Variants in UBE2R2 observed in about 807,000 individuals in gnomAD.
The protein encoded by UBE2R2 is ubiquitin conjugating enzyme E2 R2, also known as ubiquitin-conjugating enzyme E2 R2.
Under a neutral mutation model 27.8 loss-of-function variants are expected in UBE2R2, and 1 was observed. That is an observed-to-expected ratio of 0.04 (90% confidence interval 0.01 to 0.17). The LOEUF (loss-of-function observed/expected upper bound fraction) is 0.17. Ranked by LOEUF, UBE2R2 falls within the 10% of genes least tolerant of loss-of-function variation. The pLI, the probability that UBE2R2 is intolerant of heterozygous loss-of-function variation, is 1.00. For synonymous variants in UBE2R2, 106 were observed against 113.3 expected, an observed-to-expected ratio of 0.94 and a Z score of 0.41; for missense variants, 100 against 291.0, an observed-to-expected ratio of 0.34 and a Z score of 4.78.
chr9:33,878,216 C>T (rs979946094), intron 1 of UBE2R2, among the ~76,000 whole-genome samples: 22 of 152,150 alleles, frequency 1.4e-4, no homozygotes, highest in Middle Eastern at 3.2e-3. Flanking sequence ...TTGAGCAATA[C>T]GCAGCGGCTC....
At chr9:33,907,038 T>C (rs1031206942) in intron 3 of UBE2R2, among the ~76,000 whole-genome samples, 1 of 152,216 alleles carries the variant, frequency 6.6e-6, no homozygotes, top group Non-Finnish European at 1.5e-5. Context: ...TTGCTTTGTC[T>C]TTTAAACACA....
At chr9:33,827,789 G>T (rs1820348130) in intron 1 of UBE2R2, among the ~76,000 whole-genome samples, 1 of 151,778 alleles carries the variant, frequency 6.6e-6, no homozygotes, top group South Asian at 2.1e-4. Context: ...TGACCAACAT[G>T]GTGAAACCCC....
At chr9:33,869,895 G>A (rs1821448523) in intron 1 of UBE2R2, among the ~76,000 whole-genome samples, 1 of 152,058 alleles carries the variant, frequency 6.6e-6, no homozygotes, top group African/African-American at 2.4e-5. Flanking sequence ...TGCCCAGGCT[G>A]GAGTGCAATG....
chr9:33,889,441 T>G (rs1821932342), intron 2 of UBE2R2, among the ~76,000 whole-genome samples: 1 of 152,124 alleles, frequency 6.6e-6, no homozygotes. Context: ...CCTGGCCTCA[T>G]GATCTGCCCA....
intron 1 of UBE2R2, among the ~76,000 whole-genome samples, chr9:33,862,586 C>A (rs1821264278): frequency 6.6e-6 from 1 of 152,210 alleles, no homozygotes; most frequent in Non-Finnish European, 1.5e-5. Flanking sequence ...GTTGCTGACA[C>A]ACTTTGCTTA....
At chr9:33,874,057 C>G (rs944096307) in intron 1 of UBE2R2, among the ~76,000 whole-genome samples, 4 of 151,684 alleles carry the variant, frequency 2.6e-5, no homozygotes, top group African/African-American at 9.7e-5. Flanking sequence ...AAGCAATTCT[C>G]CTGTCTCAGC....
chr9:33,848,996 C>G (rs1329729394), intron 1 of UBE2R2, among the ~76,000 whole-genome samples: 1 of 151,834 alleles, frequency 6.6e-6, no homozygotes, highest in Non-Finnish European at 1.5e-5. Context: ...GTGGCTCACG[C>G]CTGTAATCCC....
intron 1 of UBE2R2, among the ~76,000 whole-genome samples, chr9:33,841,874 A>G (rs1003886505): frequency 1.3e-5 from 2 of 152,168 alleles, no homozygotes; most frequent in African/African-American, 4.8e-5. Flanking sequence ...GTGATTGCTG[A>G]GAATAGTTGC....
intron 1 of UBE2R2, among the ~76,000 whole-genome samples, chr9:33,880,701 T>C (rs1291295179): frequency 6.6e-6 from 1 of 152,206 alleles, no homozygotes; most frequent in African/African-American, 2.4e-5. Flanking sequence ...TACAACTCTG[T>C]GGCCTGTTAG....
At chr9:33,904,409 T>C (rs1822307777) in intron 3 of UBE2R2, among the ~76,000 whole-genome samples, 1 of 152,246 alleles carries the variant, frequency 6.6e-6, no homozygotes, top group African/African-American at 2.4e-5. Context: ...CATCTCATCC[T>C]GTTTTGGAGT....
chr9:33,907,291 T>C (rs557414084), intron 3 of UBE2R2, among the ~76,000 whole-genome samples: 2 of 152,306 alleles, frequency 1.3e-5, no homozygotes, highest in Non-Finnish European at 2.9e-5. Flanking sequence ...TTTTCTGTGT[T>C]TCCTTTCTCT....
rs369740894 is a variant in UBE2R2, at chr9:33,864,398, GTAA to G, written c.178-22474_178-22472del. On this transcript the variant is annotated intron_variant, in intron 1 of 4. Coordinates refer to ENST00000263228, the MANE Select transcript of UBE2R2 (RefSeq NM_017811.4). ...ATGAGTTATATATATGTAACACATG[GTAA>G]TAATAATAGAAACTCTGAGAGCCCA... 1.4e-4 allele frequency among the ~76,000 whole-genome samples: 21 copies of G among 152,116 alleles called. No individual in the cohort carries two copies. The East Asian group carries it at 3.7e-3, about 27-fold the overall frequency.
chr9:33,895,681 C>G (rs2130804587), intron 2 of UBE2R2, among the ~76,000 whole-genome samples: 1 of 150,258 alleles, frequency 6.7e-6, no homozygotes, highest in East Asian at 2.0e-4. Flanking sequence ...TTTTTAAGAT[C>G]TTTTAAAATT....
intron 1 of UBE2R2, among the ~76,000 whole-genome samples, chr9:33,884,459 T>C (rs1821812094): frequency 6.6e-6 from 1 of 151,688 alleles, no homozygotes; most frequent in African/African-American, 2.4e-5. Flanking sequence ...TTTAAATTTT[T>C]TGTAGAGTAG....
chr9:33,862,505 A>G (rs865840911), intron 1 of UBE2R2, among the ~76,000 whole-genome samples: 4 of 152,274 alleles, frequency 2.6e-5, no homozygotes, highest in Non-Finnish European at 2.9e-5. Context: ...CTTTGGCTGA[A>G]TTACATGCCG....
chr9:33,864,588 C>T (rs374178870), intron 1 of UBE2R2, among the ~76,000 whole-genome samples: 7 of 152,070 alleles, frequency 4.6e-5, no homozygotes, highest in Non-Finnish European at 7.4e-5. Flanking sequence ...CTTGCTTTGT[C>T]GCCCAGGGTG....
intron 1 of UBE2R2, among the ~76,000 whole-genome samples, chr9:33,823,216 A>G (rs534159222): frequency 6.6e-6 from 1 of 150,842 alleles, no homozygotes; most frequent in South Asian, 2.1e-4. Context: ...TATTATTATT[A>G]TTTTAGAGAC....
At chr9:33,836,970 T>C (rs1310787414) in intron 1 of UBE2R2, among the ~76,000 whole-genome samples, 1 of 152,132 alleles carries the variant, frequency 6.6e-6, no homozygotes, top group Non-Finnish European at 1.5e-5. Flanking sequence ...TTCTAAATCC[T>C]GTGCATGGTA....
chr9:33,883,390 A>G (rs773949824), intron 1 of UBE2R2, among the ~76,000 whole-genome samples: 5 of 152,252 alleles, frequency 3.3e-5, no homozygotes, highest in Admixed American at 6.5e-5. Context: ...TCAGCTATAA[A>G]TTGGGATTTC....
Sources: allele counts gnomAD v4.1 joint callset (sites outside exome capture counted in the v4.1 genomes callset), GRCh38; gene constraint gnomAD v4.1.1; transcripts MANE v1.5; gene names NCBI Gene and HGNC (gene_info 2026-07-23, HGNC 2026-07-21).